Variants in UGGT1 observed in about 807,000 individuals in gnomAD.
The protein encoded by UGGT1 is UDP-glucose glycoprotein glucosyltransferase 1.
Under a neutral mutation model 203.9 loss-of-function variants are expected in UGGT1, and 107 were observed. The ratio of observed to expected loss-of-function variants is 0.52; its 90% confidence interval spans 0.45 to 0.62. The LOEUF (loss-of-function observed/expected upper bound fraction) is 0.62. UGGT1 is among the 20% of genes least tolerant of loss of function. UGGT1 has a pLI of 0.00. For missense variants in UGGT1, 1,673 were observed against 1,867.2 expected, an observed-to-expected ratio of 0.90 and a Z score of 1.92; for synonymous variants, 628 against 653.5, an observed-to-expected ratio of 0.96 and a Z score of 0.59.
chr2:128,145,658 T>C, intron 17 of UGGT1, 145 bp from the exon 18 acceptor site: 1 of 813,012 alleles, frequency 1.2e-6, no homozygotes, highest in Non-Finnish European at 1.8e-6. Flanking sequence ...TTTCATTTTT[T>C]TAAAAAGAAA....
chr2:128,123,670 T>C (rs1688483725), intron 11 of UGGT1, among the ~76,000 whole-genome samples: 1 of 152,208 alleles, frequency 6.6e-6, no homozygotes, highest in Non-Finnish European at 1.5e-5. Flanking sequence ...TATTCTATAT[T>C]GGCACTGTTC....
chr2:128,152,043 C>G (rs1689998701), intron 18 of UGGT1, among the ~76,000 whole-genome samples: 1 of 152,194 alleles, frequency 6.6e-6, no homozygotes, highest in Admixed American at 6.5e-5. Context: ...GAATAAATGA[C>G]AATGATTTCC....
At chr2:128,136,756 TAGTATGCTTAGTTTTGTAAG>T (rs1465297303) in intron 15 of UGGT1, among the ~76,000 whole-genome samples, 5 of 152,240 alleles carry the variant, frequency 3.3e-5, no homozygotes, top group Non-Finnish European at 7.3e-5. Flanking sequence ...CGTGTGTTAA[TAGTATGCTTAGTTTTGTAAG>T]AGTATGCTTA....
intron 5 of UGGT1, among the ~76,000 whole-genome samples, chr2:128,110,667 C>G (rs148559114): frequency 3.3e-5 from 5 of 152,158 alleles, no homozygotes; most frequent in Non-Finnish European, 7.3e-5. Context: ...CTCTGAGAGG[C>G]GGTAACTGCT....
chr2:128,156,279 C>A, intron 20 of UGGT1, 113 bp from the exon 21 acceptor site: 1 of 799,654 alleles, frequency 1.3e-6, no homozygotes, highest in Non-Finnish European at 2.1e-6. Context: ...GACTAAGCAG[C>A]AGGAAGAACC....
At chr2:128,184,871 A>G (rs976332435) in intron 38 of UGGT1, among the ~76,000 whole-genome samples, 2 of 152,082 alleles carry the variant, frequency 1.3e-5, no homozygotes, top group Non-Finnish European at 2.9e-5. Flanking sequence ...CAGTAGAGAC[A>G]GGGTTTCACC....
chr2:128,146,065 T>C (rs926040711), intron 18 of UGGT1, 98 bp downstream of exon 18: 2 of 1,448,498 alleles, frequency 1.4e-6, no homozygotes. Flanking sequence ...TATCACTATT[T>C]GGGAGGCTGA....
intron 38 of UGGT1, among the ~76,000 whole-genome samples, chr2:128,186,178 T>C (rs976387677): frequency 2.6e-5 from 4 of 152,236 alleles, no homozygotes; most frequent in Non-Finnish European, 4.4e-5. Flanking sequence ...AGATGTTTTA[T>C]GGATCCTCTA....
At chr2:128,155,439 G>C in intron 19 of UGGT1, 50 bp from the exon 20 acceptor site, 1 of 1,347,308 alleles carries the variant, frequency 7.4e-7, no homozygotes, top group Non-Finnish European at 1.1e-6. Context: ...TGAATATTAA[G>C]AATAGATTGA....
rs181300233 is a variant in UGGT1, at chr2:128,191,257, T to A, written c.*1515T>A. On this transcript the variant is annotated 3_prime_UTR_variant, in exon 41 of 41. Coordinates refer to ENST00000259253, the MANE Select transcript of UGGT1 (RefSeq NM_020120.4). Reference sequence around the variant, plus strand: ...TGCAGACTTTTAAGAAATCTTAGTCTTATCACAAATATCAAGTAATTTATT... The same window carrying A: ...TGCAGACTTTTAAGAAATCTTAGTCATATCACAAATATCAAGTAATTTATT... 4.0e-4 allele frequency: 61 copies of A among 152,378 alleles called. No homozygotes were observed. The highest frequency in any genetic ancestry group is 1.4e-3 in the African/African-American group (57 of 41,600). The allele number at this position is 152,378 out of a possible 1,614,324, so 9.4% of individuals were successfully genotyped here.
In UGGT1 at chr2:128,103,981, G is replaced by A. The variant is rs750521553; in HGVS notation, c.244G>A (p.Ala82Thr). Residue 82 changes from alanine to threonine, a missense_variant, in exon 3 of 41, where the codon GCC becomes ACC. Physicochemically the swap from Ala to Thr is moderately conservative, Grantham distance 58. Coordinates refer to ENST00000259253, the MANE Select transcript of UGGT1 (RefSeq NM_020120.4). ...SQEKFWNFVE[A>T]SQNIGSSDHD... Reference sequence around the variant, plus strand: ...AGAGAAATTTTGGAATTTTGTAGAAGCCAGTCAAAATATTGGATCATCAGA... The same window carrying A: ...AGAGAAATTTTGGAATTTTGTAGAAACCAGTCAAAATATTGGATCATCAGA... The A allele has an allele frequency of 1.6e-5, 25 of 1,592,276 alleles. No homozygotes were observed. In the Middle Eastern group the frequency reaches 1.5e-3, roughly 96 times the overall value.
intron 30 of UGGT1, 27 bp from the exon 31 acceptor site, chr2:128,174,746 C>G (rs762730056): frequency 1.3e-6 from 2 of 1,583,018 alleles, no homozygotes; most frequent in South Asian, 2.3e-5. Context: ...TTGAAGAGAG[C>G]TAACTGGACT....
At chr2:128,116,467 T>C in intron 8 of UGGT1, 124 bp downstream of exon 8, 1 of 632,230 alleles carries the variant, frequency 1.6e-6, no homozygotes, top group Non-Finnish European at 2.8e-6. Context: ...CAGTACTTTA[T>C]GTATGCAATC....
chr2:128,106,901 T>C (rs1348369046), intron 3 of UGGT1, among the ~76,000 whole-genome samples: 1 of 152,190 alleles, frequency 6.6e-6, no homozygotes, highest in Non-Finnish European at 1.5e-5. Flanking sequence ...GGCTGATCTC[T>C]TGAGCTCCTG....
intron 19 of UGGT1, among the ~76,000 whole-genome samples, chr2:128,154,419 A>G (rs1051465067): frequency 1.2e-4 from 19 of 152,234 alleles, no homozygotes; most frequent in Admixed American, 1.0e-3. Flanking sequence ...GCCACCTGTC[A>G]GCTGAACATA....
At chr2:128,100,878 A>G (rs1223448574) in intron 2 of UGGT1, among the ~76,000 whole-genome samples, 4 of 152,162 alleles carry the variant, frequency 2.6e-5, no homozygotes, top group Non-Finnish European at 5.9e-5. Context: ...TGCCAGCCCT[A>G]ATTGCTCAAT....
chr2:128,176,745 T>C, intron 31 of UGGT1, 69 bp from the exon 32 acceptor site: 3 of 1,412,638 alleles, frequency 2.1e-6, no homozygotes, highest in South Asian at 1.2e-5. Flanking sequence ...TGGACTCAGA[T>C]GCTCTGAGAG....
At chr2:128,180,829 A>G in intron 35 of UGGT1, 61 bp from the exon 36 acceptor site, 4 of 1,535,134 alleles carry the variant, frequency 2.6e-6, no homozygotes, top group Non-Finnish European at 3.5e-6. Context: ...GGCTTACATT[A>G]TGAAAGCAGT....
chr2:128,169,048 TAA>T (rs544381740), intron 26 of UGGT1, among the ~76,000 whole-genome samples: 81 of 52,490 alleles, frequency 1.5e-3, no homozygotes, highest in Non-Finnish European at 1.9e-3. Context: ...ACTCTGTCTT[TAA>T]AAAAAAAAAA....
Sources: allele counts gnomAD v4.1 joint callset (sites outside exome capture counted in the v4.1 genomes callset), GRCh38; gene constraint gnomAD v4.1.1; transcripts MANE v1.5; gene names NCBI Gene and HGNC (gene_info 2026-07-23, HGNC 2026-07-21).